Variants in GRID2 observed in about 807,000 individuals in gnomAD.
The protein encoded by GRID2 is glutamate receptor ionotropic, delta-2.
In GRID2, 33 loss-of-function variants were observed where a neutral mutation model predicts 114.8. The observed-to-expected ratio is 0.29, with a 90% CI of 0.22 to 0.38. GRID2 has a LOEUF of 0.38. Ranked by LOEUF, GRID2 falls within the 10% of genes least tolerant of loss-of-function variation. GRID2 has a pLI of 1.00. For synonymous variants in GRID2, 505 were observed against 449.9 expected (o/e 1.12, Z -1.55); for missense variants, 1,184 against 1,257.7 (o/e 0.94, Z 0.89).
chr4:92,486,541 TCTC>T (rs1486544634), intron 1 of GRID2, among the ~76,000 whole-genome samples: 9 of 132,084 alleles, frequency 6.8e-5, no homozygotes, highest in Middle Eastern at 8.2e-3. Flanking sequence ...TAAATCTCTC[TCTC>T]TTTCACACAC....
chr4:92,785,058 G>A (rs1412278407), intron 2 of GRID2, among the ~76,000 whole-genome samples: 1 of 148,768 alleles, frequency 6.7e-6, no homozygotes, highest in African/African-American at 2.5e-5. Context: ...CAAGCTAGGG[G>A]CAGTTTTGTG....
intron 4 of GRID2, among the ~76,000 whole-genome samples, chr4:93,134,941 G>A (rs958366600): frequency 1.3e-4 from 20 of 151,942 alleles, no homozygotes; most frequent in Admixed American, 1.2e-3. Context: ...GAGTTTCACC[G>A]TGCTCTCTCT....
At chr4:93,790,811 A>T (rs947785125) in intron 1 of GRID2, among the ~76,000 whole-genome samples, 1 of 152,164 alleles carries the variant, frequency 6.6e-6, no homozygotes, top group African/African-American at 2.4e-5. Flanking sequence ...CACATCTGCC[A>T]TTTGTCAGCT....
At chr4:92,616,735 T>G (rs1730021111) in intron 2 of GRID2, among the ~76,000 whole-genome samples, 1 of 151,686 alleles carries the variant, frequency 6.6e-6, no homozygotes, top group Admixed American at 6.6e-5. Context: ...TTGAATTTCT[T>G]CCTTGTATTT....
In GRID2 at chr4:92,658,814, TATATAC is replaced by T. The variant is rs1560516321; in HGVS notation, c.244+68530_244+68535del. ...GTGTGTATATATATATATATATATA[TATATAC>T]ACACACACAATCACATTCATTGTAT... On this transcript the variant is annotated intron_variant, in intron 2 of 15. Coordinates refer to ENST00000282020, the MANE Select transcript of GRID2 (RefSeq NM_001510.4). 6.3e-3 allele frequency among the ~76,000 whole-genome samples: 423 copies of T among 67,588 alleles called. 16 individuals carry two copies. Among genetic ancestry groups the T allele is most frequent in the African/African-American group, 0.011 (223 of 20,898 alleles). 44.3% of individuals were successfully genotyped at this position (67,588 alleles called of 152,430 possible). A position where few individuals can be genotyped will look rare whatever the true frequency, so the allele number is the denominator to read the frequency against.
At chr4:92,401,396 G>GT (rs1220527207) in intron 1 of GRID2, among the ~76,000 whole-genome samples, 4 of 152,006 alleles carry the variant, frequency 2.6e-5, no homozygotes, top group Non-Finnish European at 5.9e-5. Flanking sequence ...TTAGGAGCTG[G>GT]TTTTTTAATG....
chr4:92,652,021 GTACT>G (rs375247600), intron 2 of GRID2, among the ~76,000 whole-genome samples: 23 of 152,220 alleles, frequency 1.5e-4, no homozygotes, highest in East Asian at 5.8e-4. Flanking sequence ...ACTTCTTCAT[GTACT>G]TACTTGTGCA....
At chr4:93,214,497 T>C (rs1743957292) in intron 5 of GRID2, among the ~76,000 whole-genome samples, 1 of 152,026 alleles carries the variant, frequency 6.6e-6, no homozygotes, top group East Asian at 1.9e-4. Flanking sequence ...TAAACTGTTT[T>C]TGAGATCACA....
At chr4:92,310,727 A>G (rs1315403236) in intron 1 of GRID2, among the ~76,000 whole-genome samples, 1 of 152,170 alleles carries the variant, frequency 6.6e-6, no homozygotes, top group East Asian at 1.9e-4. Context: ...CAACCCTAAA[A>G]TAAGATTTAG....
chr4:93,543,710 TAGAGAGAGAGAGAG>T (rs34742442), intron 13 of GRID2, among the ~76,000 whole-genome samples: 169 of 133,594 alleles, frequency 1.3e-3, no homozygotes, highest in African/African-American at 4.5e-3. Context: ...GAGTGAGAGA[TAGAGAGAGAGAGAG>T]AGAGAGAGAG....
chr4:92,918,012 C>T (rs1012575403), intron 2 of GRID2, among the ~76,000 whole-genome samples: 2 of 152,192 alleles, frequency 1.3e-5, no homozygotes, highest in African/African-American at 4.8e-5. Context: ...TTGTTTGTAT[C>T]CTCTTTTATT....
intron 2 of GRID2, among the ~76,000 whole-genome samples, chr4:93,049,877 C>T (rs1726529485): frequency 6.6e-6 from 1 of 151,944 alleles, no homozygotes; most frequent in African/African-American, 2.4e-5. Flanking sequence ...TCTTATCTTT[C>T]TATTTATGCT....
At chr4:92,466,456 A>G (rs1721756215) in intron 1 of GRID2, among the ~76,000 whole-genome samples, 1 of 151,826 alleles carries the variant, frequency 6.6e-6, no homozygotes, top group South Asian at 2.1e-4. Flanking sequence ...TGATTTTTAG[A>G]TACCACAAAA....
At chr4:93,324,313 T>A (rs1034340386) in intron 8 of GRID2, among the ~76,000 whole-genome samples, 1 of 152,130 alleles carries the variant, frequency 6.6e-6, no homozygotes, top group Non-Finnish European at 1.5e-5. Flanking sequence ...AATCATGTGG[T>A]TTTTGTCTTT....
At chr4:93,157,183 A>G (rs551351694) in intron 4 of GRID2, among the ~76,000 whole-genome samples, 34 of 151,794 alleles carry the variant, frequency 2.2e-4, no homozygotes, top group African/African-American at 8.0e-4. Context: ...CCTTAAGCCT[A>G]TCTACTCAAA....
chr4:92,949,746 A>G (rs923382591), intron 2 of GRID2, among the ~76,000 whole-genome samples: 1 of 151,874 alleles, frequency 6.6e-6, no homozygotes, highest in Non-Finnish European at 1.5e-5. Context: ...ACCTGCTACC[A>G]TCCAACAAAT....
intron 2 of GRID2, among the ~76,000 whole-genome samples, chr4:92,680,991 T>C (rs983230342): frequency 6.6e-6 from 1 of 152,118 alleles, no homozygotes; most frequent in Admixed American, 6.5e-5. Flanking sequence ...TTAAAGTAAT[T>C]TTCTTAAGAA....
Position 93,224,793 on chromosome 4 carries a change from A to T in GRID2, c.1125+18A>T, listed in dbSNP as rs772088564. ...TCAAGAAGGTAACTTCTTAATTTTC[A>T]TGTAAAAAGGATATGGTAAATAATT... On this transcript the variant is annotated intron_variant, in intron 7 of 15. Transcript: ENST00000282020. 5.8e-6 allele frequency: 9 copies of T among 1,558,600 alleles called. No individual in the cohort carries two copies. The highest frequency in any genetic ancestry group is 1.4e-5 in the African/African-American group (1 of 73,250).
chr4:93,810,366 A>G (rs188187707), downstream of GRID2, among the ~76,000 whole-genome samples: 691 of 152,282 alleles, frequency 4.5e-3, 6 homozygotes, highest in African/African-American at 0.016. Context: ...TTATTTTATC[A>G]ATAAAAATTT....
Sources: gnomAD v4.1 joint callset for allele counts (sites outside exome capture counted in the v4.1 genomes callset) on GRCh38, gnomAD v4.1.1 for gene constraint, MANE v1.5 for transcripts, NCBI Gene and HGNC (gene_info 2026-07-23, HGNC 2026-07-21) for gene names.